DDX59: variants seen among roughly 807,000 people sequenced by gnomAD.
DDX59 encodes probable ATP-dependent RNA helicase DDX59.
DDX59 carries 30 observed loss-of-function variants against 51.9 expected under a neutral mutation model. That is an observed-to-expected ratio of 0.58 (90% confidence interval 0.43 to 0.78). DDX59 has a LOEUF of 0.78. DDX59 is among the 30% of genes least tolerant of loss of function. The pLI is 0.00. For missense variants in DDX59, 672 were observed against 730.8 expected (o/e 0.92, Z 0.93); for synonymous variants, 255 against 253.3 (o/e 1.01, Z -0.06).
At chr1:200,653,969 T>C (rs207461008) in intron 4 of DDX59, among the ~76,000 whole-genome samples, 2 of 152,204 alleles carry the variant, frequency 1.3e-5, no homozygotes, top group African/African-American at 2.4e-5. Context: ...CATCTTCCAC[T>C]GTATTCTCAA....
intron 3 of DDX59, among the ~76,000 whole-genome samples, chr1:200,663,217 A>C (rs367796877): frequency 2.0e-5 from 3 of 152,124 alleles, no homozygotes; most frequent in Admixed American, 2.0e-4. Context: ...CTAGTTAACT[A>C]AACAGTTAAT....
intron 3 of DDX59, among the ~76,000 whole-genome samples, chr1:200,663,438 G>C (rs1433376288): frequency 6.6e-6 from 1 of 152,220 alleles, no homozygotes; most frequent in Non-Finnish European, 1.5e-5. Context: ...TTCAAAGCTA[G>C]AATCAGACCA....
intron 5 of DDX59, 134 bp from the exon 6 acceptor site, chr1:200,649,360 G>A: frequency 4.7e-6 from 4 of 850,168 alleles, no homozygotes; most frequent in Non-Finnish European, 6.9e-6. Context: ...TGGGCGCGGT[G>A]GCTCACACCT....
chr1:200,643,585 G>A (rs1021632983), downstream of DDX59, among the ~76,000 whole-genome samples: 7 of 152,136 alleles, frequency 4.6e-5, no homozygotes, highest in Admixed American at 4.6e-4. Flanking sequence ...AGAGCTTGCA[G>A]TGAGCCGAGA....
In DDX59 at chr1:200,665,946, A is replaced by C; in HGVS notation, c.795T>G (p.Ala265=). The C allele has an allele frequency of 1.2e-6, 2 of 1,603,260 alleles. No individual in the cohort carries two copies. The highest frequency in any genetic ancestry group is 8.5e-7 in the Non-Finnish European group (1 of 1,174,806). The change falls in exon 2 of 8, where the codon GCT becomes GCG. Residue 265 remains alanine (A), a synonymous_variant. Coordinates refer to ENST00000331314, the MANE Select transcript of DDX59 (RefSeq NM_001031725.6). ...AAFLLPVIMR[A]LFESKTPSAL... is the part of the protein sequence containing the mutation. ...TATTATTAACACTTACCTCGAATAA[A>C]GCTCGCATGATAACAGGAAGAAGAA...
chr1:200,662,295 T>C (rs1278062474), intron 3 of DDX59, among the ~76,000 whole-genome samples: 2 of 152,174 alleles, frequency 1.3e-5, no homozygotes, highest in African/African-American at 2.4e-5. Flanking sequence ...ATGGGGGTGA[T>C]AGGGCATCAA....
intron 3 of DDX59, among the ~76,000 whole-genome samples, chr1:200,662,077 T>C (rs1020833203): frequency 1.3e-5 from 2 of 152,152 alleles, no homozygotes; most frequent in African/African-American, 4.8e-5. Flanking sequence ...TCCTGAGGCC[T>C]CCTTAGAGGC....
Position 200,649,150 on chromosome 1 carries a change from A to G in DDX59, c.1391T>C (p.Val464Ala), listed in dbSNP as rs138653543. 262 of 1,597,214 alleles carry G rather than the reference A, an allele frequency of 1.6e-4. No homozygotes were observed. In the African/African-American group the frequency reaches 3.0e-3, roughly 18 times the overall value. Residue 464 changes from valine to alanine, a missense_variant, in exon 6 of 8, where the codon GTT (valine) becomes GCT (alanine). By Grantham distance (64) the Val-to-Ala change is moderately conservative. Transcript: ENST00000331314. ...KLGADLLSEA[V>A]QKITGLKSIS... ...GCTTTTCAGCCCTGTGATTTTCTGA[A>G]CGGCTTCACTCAAAAGATCTGCTCC...
chr1:200,648,780 C>T (rs764315848), intron 6 of DDX59, among the ~76,000 whole-genome samples: 50 of 152,188 alleles, frequency 3.3e-4, no homozygotes, highest in Non-Finnish European at 6.0e-4. Context: ...TTCAGGCAAA[C>T]CTTTTCCAAA....
chr1:200,647,949 GGGTAACA>G (rs1243118227), intron 7 of DDX59, among the ~76,000 whole-genome samples: 1 of 142,100 alleles, frequency 7.0e-6, no homozygotes, highest in Non-Finnish European at 1.5e-5. Context: ...ACTCCAGCTT[GGGTAACA>G]GAGTGAGACT....
At chr1:200,656,871 T>C (rs955912458) in intron 4 of DDX59, among the ~76,000 whole-genome samples, 2 of 152,070 alleles carry the variant, frequency 1.3e-5, no homozygotes, top group Non-Finnish European at 2.9e-5. Flanking sequence ...CTGGGCAACA[T>C]AGCAAGACCC....
At chr1:200,669,539 C>T (rs1663021936) in intron 1 of DDX59, 1 of 152,300 alleles carries the variant, frequency 6.6e-6, no homozygotes, top group Non-Finnish European at 1.5e-5. Flanking sequence ...CGGGCGTTGC[C>T]TCCCACCCAC....
At chr1:200,654,204 G>A (rs979060836) in intron 4 of DDX59, among the ~76,000 whole-genome samples, 1 of 152,124 alleles carries the variant, frequency 6.6e-6, no homozygotes, top group African/African-American at 2.4e-5. Context: ...ACGAGGTCAG[G>A]AGATCGAGAC....
chr1:200,655,123 C>T (rs1317517572), intron 4 of DDX59: 1 of 152,200 alleles, frequency 6.6e-6, no homozygotes, highest in Non-Finnish European at 1.5e-5. Flanking sequence ...AGAATACTAC[C>T]CCTTAGTTCA....
chr1:200,664,425 A>T (rs1012767920), intron 2 of DDX59, among the ~76,000 whole-genome samples: 2 of 152,176 alleles, frequency 1.3e-5, no homozygotes, highest in Non-Finnish European at 2.9e-5. Flanking sequence ...AATAGTCACC[A>T]TGCAGATCTG....
rs1294240379 is a variant in DDX59 at position 200,669,860 on chromosome 1, A to C, written c.-105T>G. ...CCAGGCTTCCGCCCGACAAGCCCTG[A>C]CCCGCTCGTCAGGACTGCGGCCCGG... is the stretch of plus-strand genomic sequence containing the variant. On this transcript the variant is annotated 5_prime_UTR_variant, in exon 1 of 8. Transcript: ENST00000331314. The C allele has an allele frequency of 6.6e-6, 1 of 152,022 alleles. No homozygotes were observed. The highest frequency in any genetic ancestry group is 6.6e-5 in the Admixed American group (1 of 15,258). The allele number at this position is 152,022 out of a possible 1,614,324, so 9.4% of individuals were successfully genotyped here. A position where few individuals can be genotyped will look rare whatever the true frequency, so the allele number is the denominator to read the frequency against.
At position 200,661,892 on chromosome 1, in the gene DDX59, A is replaced by G. The variant is rs1662397476; in HGVS notation, c.972+2027T>C. On this transcript the variant is annotated intron_variant, in intron 3 of 7. Coordinates refer to ENST00000331314, the MANE Select transcript of DDX59 (RefSeq NM_001031725.6). ...GGATCTGGAGGGAGGTGATTGGATC[A>G]TGGGGGCTATTTCTCATGGTTTAAC... 2.0e-5 allele frequency among the ~76,000 whole-genome samples: 3 copies of G among 152,154 alleles called. No individual in the cohort carries two copies. The South Asian group carries it at 6.2e-4, about 32-fold the overall frequency.
intron 3 of DDX59, among the ~76,000 whole-genome samples, chr1:200,660,367 C>T (rs1461991996): frequency 6.6e-6 from 1 of 152,048 alleles, no homozygotes; most frequent in East Asian, 1.9e-4. Context: ...GTTATGTTTT[C>T]TCAGAGGGCA....
chr1:200,662,882 T>C (rs772342026), intron 3 of DDX59, among the ~76,000 whole-genome samples: 2 of 152,234 alleles, frequency 1.3e-5, no homozygotes. Flanking sequence ...TATATACTGC[T>C]GAACTTATAA....
Sources: gnomAD v4.1 joint callset for allele counts (sites outside exome capture counted in the v4.1 genomes callset) on GRCh38, gnomAD v4.1.1 for gene constraint, MANE v1.5 for transcripts, NCBI Gene and HGNC (gene_info 2026-07-23, HGNC 2026-07-21) for gene names.